The following SLC39A6 variants were observed in gnomAD, a reference collection of about 807,000 sequenced individuals.
SLC39A6 encodes zinc transporter ZIP6.
In SLC39A6, 51 loss-of-function variants were observed where a neutral mutation model predicts 63.5. That is an observed-to-expected ratio of 0.80 (90% CI 0.64 to 1.01). The LOEUF (loss-of-function observed/expected upper bound fraction) is 1.01, where lower values mean the gene tolerates loss of function less well. Among genes scored for constraint, SLC39A6 ranks in the 50% least tolerant of loss-of-function variants. SLC39A6 has a pLI of 0.00. For missense variants in SLC39A6, 805 were observed against 927.8 expected, an observed-to-expected ratio of 0.87 and a Z score of 1.72; for synonymous variants, 318 against 324.7, an observed-to-expected ratio of 0.98 and a Z score of 0.22.
At chr18:36,123,876 C>T (rs968806487) in intron 3 of SLC39A6, among the ~76,000 whole-genome samples, 2 of 152,110 alleles carry the variant, frequency 1.3e-5, no homozygotes, top group African/African-American at 4.8e-5. Context: ...TACTTAAGAA[C>T]TCTCCAGGTA....
At chr18:36,112,431 C>G in intron 8 of SLC39A6, 70 bp downstream of exon 8, 1 of 1,115,510 alleles carries the variant, frequency 9.0e-7, no homozygotes, top group South Asian at 1.3e-5. Flanking sequence ...GCTGAACTAC[C>G]ATTAGCAAAA....
intron 6 of SLC39A6, 78 bp from the exon 7 acceptor site, chr18:36,114,552 A>G: frequency 8.6e-7 from 1 of 1,156,610 alleles, no homozygotes; most frequent in East Asian, 2.4e-5. Context: ...AACCTCATTG[A>G]AAAAGTCAAC....
rs777963520 is a variant in SLC39A6 at position 36,123,531 on chromosome 18, A to T, written c.1104T>A (p.Thr368=). The part of the protein sequence containing the change: ...LSFLVALAVG[T]LSGDAFLHLL... ...GGTGTAAAAAAGCATCACCACTCAA[A>T]GTCCCAACGGCCAGTGCCACAAGGA... Residue 368 remains threonine (T), a synonymous_variant, in exon 4 of 10, where the codon ACT becomes ACA. Transcript: ENST00000269187. 2.5e-6 allele frequency: 4 copies of T among 1,613,064 alleles called. No individual in the cohort carries two copies. In the South Asian group the frequency reaches 4.4e-5, roughly 18 times the overall value.
rs778893796 is a variant in SLC39A6, at chr18:36,123,500, G to A, written c.1135C>T (p.Pro379Ser). ...LSGDAFLHLL[P>S]HSHASHHHSH... ...GGACAAATTACTATACTTACATGTGGAAGAAGGTGTAAAAAAGCATCACCA... is the reference window on the plus strand; with the variant it reads ...GGACAAATTACTATACTTACATGTGAAAGAAGGTGTAAAAAAGCATCACCA... The change falls in exon 4 of 10, where the codon CCA (proline) becomes TCA (serine). Residue 379 changes from proline (P) to serine (S), a missense_variant. This residue lies in a region of SLC39A6 where 639 missense variants were observed against 644.0 expected (regional missense o/e 0.99). Coordinates refer to ENST00000269187, the MANE Select transcript of SLC39A6 (RefSeq NM_012319.4). 1.9e-6 allele frequency: 3 copies of A among 1,608,680 alleles called. No individual in the cohort carries two copies. The highest frequency in any genetic ancestry group is 2.5e-6 in the Non-Finnish European group (3 of 1,178,462).
intron 3 of SLC39A6, among the ~76,000 whole-genome samples, chr18:36,124,126 G>C (rs2089416048): frequency 6.6e-6 from 1 of 151,992 alleles, no homozygotes. Context: ...CATTACTTTT[G>C]AGCAATGAGA....
chr18:36,113,952 G>T, intron 7 of SLC39A6, 145 bp downstream of exon 7: 1 of 1,093,154 alleles, frequency 9.1e-7, no homozygotes, highest in Non-Finnish European at 1.3e-6. Flanking sequence ...TGTCAAAGTA[G>T]TAAAAGAAAA....
At chr18:36,111,330 A>G in intron 8 of SLC39A6, 81 bp from the exon 9 acceptor site, 1 of 1,416,786 alleles carries the variant, frequency 7.1e-7, no homozygotes, top group Non-Finnish European at 9.6e-7. Flanking sequence ...TCCCAGATTT[A>G]AGAAAATTTT....
chr18:36,128,544 G>C (rs1598716735), intron 1 of SLC39A6, among the ~76,000 whole-genome samples: 1 of 152,214 alleles, frequency 6.6e-6, no homozygotes, highest in African/African-American at 2.4e-5. Flanking sequence ...TTTGGGGCTT[G>C]AAGTTTCGGG....
Position 36,114,329 on chromosome 18 carries a change from C to G in SLC39A6, c.1611G>C (p.Lys537Asn). The G allele has an allele frequency of 6.2e-7, 1 of 1,614,186 alleles. No individual in the cohort carries two copies. Residue 537 changes from lysine to asparagine, a missense_variant, in exon 7 of 10, where the codon AAG (lysine) becomes AAC (asparagine). Around this residue, in one of 4 missense-constraint regions of SLC39A6, gnomAD observed 639 missense variants for 644.0 expected, o/e 0.99. Transcript: ENST00000269187. Reference protein sequence around the residue: ...VYNEYVPRGCKNKCHSHFHDT... With the variant: ...VYNEYVPRGCNNKCHSHFHDT... Reference sequence around the variant, plus strand: ...CGTGGAAATGTGAATGGCATTTATTCTTGCACCCTCTGGGTACATATTCAT... The same window carrying G: ...CGTGGAAATGTGAATGGCATTTATTGTTGCACCCTCTGGGTACATATTCAT...
intron 7 of SLC39A6, 90 bp from the exon 8 acceptor site, chr18:36,112,671 G>A: frequency 1.0e-6 from 1 of 958,724 alleles, no homozygotes; most frequent in South Asian, 1.4e-5. Flanking sequence ...CAAGAAAATG[G>A]TATTTTGGCT....
rs754177074 is a variant in SLC39A6, at chr18:36,126,302, C to A, written c.706G>T (p.Ala236Ser). Residue 236 changes from alanine to serine, a missense_variant, in exon 2 of 10, where the codon GCT becomes TCT. By Grantham distance (99) the Ala-to-Ser change is moderately conservative. Transcript: ENST00000269187. The stretch of plus-strand genomic sequence containing the variant: ...ACAGATTCATTTGTTTTCCTACCAG[C>A]CAGCCGGCTCACCCGGCTCTTTGAT... ...VTSKSRVSRL[A>S]GRKTNESVSE... The A allele has an allele frequency of 6.2e-7, 1 of 1,614,272 alleles. No homozygotes were observed. The highest frequency in any genetic ancestry group is 1.1e-5 in the South Asian group (1 of 91,084).
At chr18:36,128,642 G>A (rs548692754) in intron 1 of SLC39A6, among the ~76,000 whole-genome samples, 1 of 152,238 alleles carries the variant, frequency 6.6e-6, no homozygotes, top group African/African-American at 2.4e-5. Flanking sequence ...TAGCACAGGG[G>A]ACAGCTCCGA....
chr18:36,109,816 A>G, intron 9 of SLC39A6, 71 bp from the exon 10 acceptor site: 2 of 1,248,758 alleles, frequency 1.6e-6, no homozygotes, highest in Non-Finnish European at 2.3e-6. Flanking sequence ...TTTTTAGAAA[A>G]ATTTATAGGA....
intron 5 of SLC39A6, among the ~76,000 whole-genome samples, chr18:36,121,652 A>C (rs539325767): frequency 1.1e-3 from 172 of 151,092 alleles, no homozygotes; most frequent in South Asian, 5.6e-3. Flanking sequence ...ACCCTTTAAA[A>C]GAAAACAGAA....
chr18:36,123,394 A>G (rs1469265113), intron 4 of SLC39A6, 101 bp downstream of exon 4: 1 of 1,139,494 alleles, frequency 8.8e-7, no homozygotes, highest in African/African-American at 1.6e-5. Context: ...TTTCTAAACC[A>G]AATTTCTAAC....
intron 4 of SLC39A6, 44 bp from the exon 5 acceptor site, chr18:36,122,314 C>T (rs747358411): frequency 1.2e-5 from 18 of 1,480,480 alleles, no homozygotes; most frequent in Admixed American, 5.6e-5. Context: ...ATCAGTTTCA[C>T]ACACCGAGTC....
intron 5 of SLC39A6, 137 bp downstream of exon 5, chr18:36,121,915 A>G: frequency 1.6e-6 from 1 of 627,746 alleles, no homozygotes; most frequent in Non-Finnish European, 2.7e-6. Context: ...CTGGGACCAA[A>G]AAGTACTTCA....
At chr18:36,115,980 C>T (rs1539822) in intron 6 of SLC39A6, among the ~76,000 whole-genome samples, 45,573 of 151,966 alleles carry the variant, frequency 0.3, 7,251 homozygotes, top group Middle Eastern at 0.46. Context: ...TACCATTTTG[C>T]GGTATTCCTG....
Position 36,109,593 on chromosome 18 carries a change from C to G in SLC39A6, c.2268G>C (p.Ter756TyrextTer6). The G allele has an allele frequency of 6.2e-7, 1 of 1,604,608 alleles. No homozygotes were observed. The highest frequency in any genetic ancestry group is 1.1e-5 in the South Asian group (1 of 90,048). Residue 756 changes from the stop codon to tyrosine, a stop_lost, in exon 10 of 10, where the codon TAG (stop) becomes TAC (tyrosine). Transcript: ENST00000269187. Reference sequence around the variant, plus strand: ...AGCTACTCTAGCATTTAAACCTTAACTAGAAATTTATACGAAACACGATTT... The same window carrying G: ...AGCTACTCTAGCATTTAAACCTTAAGTAGAAATTTATACGAAACACGATTT... ...EHKIVFRINF[*>Y] is the part of the protein sequence containing the mutation.
Sources: allele counts gnomAD v4.1 joint callset (sites outside exome capture counted in the v4.1 genomes callset), GRCh38; gene constraint gnomAD v4.1.1; regional missense constraint gnomAD v4.1.1; transcripts MANE v1.5; gene names NCBI Gene and HGNC (gene_info 2026-07-23, HGNC 2026-07-21).